JMJD1C: variants seen among roughly 807,000 people sequenced by gnomAD.
JMJD1C encodes the protein jumonji domain-containing protein 1C.
In JMJD1C, 31 loss-of-function variants were observed where a neutral mutation model predicts 245.3. The observed-to-expected ratio is 0.13, with a 90% CI of 0.09 to 0.17. The LOEUF is 0.17. JMJD1C is among the 10% of genes least tolerant of loss of function. JMJD1C has a pLI of 1.00. For synonymous variants in JMJD1C, 1,057 were observed against 1,017.4 expected, an observed-to-expected ratio of 1.04 and a Z score of -0.74; for missense variants, 2,691 against 3,000.2, an observed-to-expected ratio of 0.90 and a Z score of 2.41.
In JMJD1C at chr10:63,167,791, C is replaced by T; in HGVS notation, c.*254G>A. 1 of 318,434 alleles carries T rather than the reference C, an allele frequency of 3.1e-6. No homozygotes were observed. The highest frequency in any genetic ancestry group is 5.7e-6 in the Non-Finnish European group (1 of 174,174). The allele number at this position is 318,434 out of a possible 1,614,324, so 19.7% of individuals were successfully genotyped here. On this transcript the variant is annotated 3_prime_UTR_variant, in exon 26 of 26. Transcript: ENST00000399262. ...CATCATTTTAAATCTGGCATTTTCA[C>T]AAACATCATATACACTATAATACAA...
chr10:63,363,703 A>G (rs1250891910), intron 2 of JMJD1C, among the ~76,000 whole-genome samples: 1 of 151,402 alleles, frequency 6.6e-6, no homozygotes, highest in Non-Finnish European at 1.5e-5. Flanking sequence ...TTTTCTTTTT[A>G]TGAGACAGGG....
At chr10:63,249,182 G>A (rs918402890) in intron 3 of JMJD1C, among the ~76,000 whole-genome samples, 1 of 152,192 alleles carries the variant, frequency 6.6e-6, no homozygotes, top group Non-Finnish European at 1.5e-5. Context: ...TGGACATGGT[G>A]GTAAGCGCCT....
intron 1 of JMJD1C, among the ~76,000 whole-genome samples, chr10:63,494,108 C>A (rs1341775973): frequency 6.6e-6 from 1 of 152,054 alleles, no homozygotes; most frequent in Admixed American, 6.6e-5. Context: ...GTCAGGAGAT[C>A]GAGACCAGCC....
intron 10 of JMJD1C, chr10:63,204,178 G>A: frequency 1.0e-6 from 1 of 985,050 alleles, no homozygotes; most frequent in African/African-American, 1.7e-5. Flanking sequence ...ACAAAAGCAA[G>A]TCAACTCTGT....
At chr10:63,230,177 A>C (rs1849786353) in intron 3 of JMJD1C, among the ~76,000 whole-genome samples, 1 of 152,198 alleles carries the variant, frequency 6.6e-6, no homozygotes, top group Non-Finnish European at 1.5e-5. Context: ...GTTCGAGACC[A>C]GCCTGGCCAA....
intron 1 of JMJD1C, among the ~76,000 whole-genome samples, chr10:63,453,882 C>A (rs939839602): frequency 2.0e-5 from 3 of 151,902 alleles, no homozygotes; most frequent in East Asian, 1.9e-4. Flanking sequence ...GGAACTACAC[C>A]CGGCTAATTT....
intron 14 of JMJD1C, 33 bp downstream of exon 14, chr10:63,194,253 A>C (rs779476118): frequency 7.7e-7 from 1 of 1,305,130 alleles, no homozygotes; most frequent in South Asian, 1.2e-5. Flanking sequence ...AGCAACCAAG[A>C]GCAGTTATAT....
rs753631920 is a variant in JMJD1C at position 63,207,150 on chromosome 10, T to C, written c.4519A>G (p.Ile1507Val). ...SNASETEPNA[I>V]KNQTLSASLP... is the part of the protein sequence containing the mutation. ...GAGGCTGAAAGTGTCTGATTTTTTA[T>C]AGCATTAGGTTCAGTCTCACTGGCA... The change falls in exon 10 of 26, where the codon ATA becomes GTA. Residue 1507 changes from isoleucine (I) to valine (V), a missense_variant. Physicochemically the swap from Ile to Val is conservative, Grantham distance 29. This residue lies in a region of JMJD1C where 1,562 missense variants were observed against 1,490.7 expected (regional missense o/e 1.05). Transcript: ENST00000399262. The C allele has an allele frequency of 4.3e-6, 7 of 1,614,178 alleles. No homozygotes were observed. Among genetic ancestry groups the C allele is most frequent in the Middle Eastern group, 1.7e-4 (1 of 6,060 alleles).
At chr10:63,371,025 T>C (rs1946271021) in intron 2 of JMJD1C, among the ~76,000 whole-genome samples, 1 of 152,172 alleles carries the variant, frequency 6.6e-6, no homozygotes, top group Non-Finnish European at 1.5e-5. Context: ...TTGCCCAGGC[T>C]GGAGTGCAAT....
intron 3 of JMJD1C, among the ~76,000 whole-genome samples, chr10:63,254,681 C>A (rs1185778958): frequency 2.8e-5 from 4 of 143,812 alleles, no homozygotes; most frequent in Non-Finnish European, 6.2e-5. Context: ...GTTGGGACTA[C>A]AGGTGTCCCG....
chr10:63,180,308 G>T (rs1040145419), intron 22 of JMJD1C, among the ~76,000 whole-genome samples: 8 of 152,138 alleles, frequency 5.3e-5, no homozygotes, highest in African/African-American at 1.7e-4. Flanking sequence ...ACTGCTAATT[G>T]AAACATTTGG....
chr10:63,250,996 G>A (rs1852991067), intron 3 of JMJD1C, among the ~76,000 whole-genome samples: 1 of 152,126 alleles, frequency 6.6e-6, no homozygotes, highest in South Asian at 2.1e-4. Flanking sequence ...TCCTGTCTCA[G>A]CCTCCCAAAG....
chr10:63,476,205 G>A (rs943409800), intron 1 of JMJD1C, among the ~76,000 whole-genome samples: 1 of 149,462 alleles, frequency 6.7e-6, no homozygotes, highest in Non-Finnish European at 1.5e-5. Context: ...ATGAGATTTT[G>A]TCTAAAAATA....
At chr10:63,263,234 A>C (rs1335060621) in intron 3 of JMJD1C, among the ~76,000 whole-genome samples, 1 of 152,236 alleles carries the variant, frequency 6.6e-6, no homozygotes, top group Admixed American at 6.5e-5. Flanking sequence ...AATACAAAAA[A>C]ACTAGGTCCT....
At chr10:63,386,383 G>A (rs1011772024) in intron 1 of JMJD1C, among the ~76,000 whole-genome samples, 1 of 152,144 alleles carries the variant, frequency 6.6e-6, no homozygotes, top group Non-Finnish European at 1.5e-5. Flanking sequence ...CAACATGATG[G>A]CTGGAGCCCT....
chr10:63,436,460 ATCCTC>A (rs1424451753), intron 1 of JMJD1C, among the ~76,000 whole-genome samples: 2 of 152,020 alleles, frequency 1.3e-5, no homozygotes, highest in African/African-American at 4.8e-5. Context: ...TCAGACTTCT[ATCCTC>A]TCATCTCTAA....
Position 63,509,433 on chromosome 10 carries a change from A to G in JMJD1C, n.113+12305T>C, listed in dbSNP as rs185853315. ...ATTAGGATAATGGCAGAATGAATTAAGATGTATTTCCCCTACTTCTGTCTT... is the reference window on the plus strand; with the variant it reads ...ATTAGGATAATGGCAGAATGAATTAGGATGTATTTCCCCTACTTCTGTCTT... On this transcript the variant is annotated intron_variant and non_coding_transcript_variant, in intron 1 of 3. Coordinates refer to the JMJD1C transcript ENST00000633035. Among the ~76,000 whole-genome samples, 867 of 152,372 alleles carry G rather than the reference A, an allele frequency of 5.7e-3. 13 individuals are homozygous for G. Among genetic ancestry groups the G allele is most frequent in the African/African-American group, 0.02 (816 of 41,596 alleles).
chr10:63,489,845 C>A (rs1954111399), intron 1 of JMJD1C, among the ~76,000 whole-genome samples: 1 of 152,150 alleles, frequency 6.6e-6, no homozygotes, highest in Admixed American at 6.5e-5. Context: ...GGGTCCCCAT[C>A]CCCCGGACCA....
intron 1 of JMJD1C, among the ~76,000 whole-genome samples, chr10:63,422,402 T>C (rs1054629439): frequency 6.6e-6 from 1 of 152,176 alleles, no homozygotes; most frequent in Non-Finnish European, 1.5e-5. Flanking sequence ...CTCTGTCTCA[T>C]GTCTCATTTA....
Sources: allele counts gnomAD v4.1 joint callset (sites outside exome capture counted in the v4.1 genomes callset), GRCh38; gene constraint gnomAD v4.1.1; regional missense constraint gnomAD v4.1.1; transcripts MANE v1.5; gene names NCBI Gene and HGNC (gene_info 2026-07-23, HGNC 2026-07-21).